The following CKAP5 variants were observed in gnomAD, a reference collection of about 807,000 sequenced individuals.
CKAP5 encodes cytoskeleton-associated protein 5.
In CKAP5, 27 loss-of-function variants were observed where a neutral mutation model predicts 232.8. The observed-to-expected ratio is 0.12, with a 90% CI of 0.09 to 0.16. CKAP5 has a LOEUF of 0.16. Ranked by LOEUF, CKAP5 falls within the 10% of genes least tolerant of loss-of-function variation. CKAP5 has a pLI of 1.00. For missense variants in CKAP5, 1,838 were observed against 2,424.7 expected (o/e 0.76, Z 5.08); for synonymous variants, 785 against 841.1 (o/e 0.93, Z 1.16).
intron 24 of CKAP5, among the ~76,000 whole-genome samples, chr11:46,771,966 G>A (rs1592446887): frequency 6.6e-6 from 1 of 150,608 alleles, no homozygotes; most frequent in East Asian, 1.9e-4. Context: ...CAATTCTGAT[G>A]ATTGTATAGT....
chr11:46,761,501 G>T, intron 32 of CKAP5, among the ~76,000 whole-genome samples: 1 of 152,076 alleles, frequency 6.6e-6, no homozygotes. Context: ...TAAATACATG[G>T]TGACACTATG....
intron 17 of CKAP5, 50 bp from the exon 18 acceptor site, chr11:46,783,418 G>T (rs2065359522): frequency 8.6e-7 from 1 of 1,156,490 alleles, no homozygotes; most frequent in Non-Finnish European, 1.3e-6. Flanking sequence ...ATTTCTTATA[G>T]AAATACAGCA....
At chr11:46,809,226 T>C (rs1237502070) in intron 7 of CKAP5, among the ~76,000 whole-genome samples, 174 bp downstream of exon 7, 1 of 152,058 alleles carries the variant, frequency 6.6e-6, no homozygotes, top group African/African-American at 2.4e-5. Flanking sequence ...TGCTATAATA[T>C]ATATATGTAC....
chr11:46,744,089 G>C lies in CKAP5; in HGVS notation c.6033C>G (p.Ser2011=), dbSNP rs745456242. The change falls in exon 44 of 44, where the codon TCC becomes TCG. Residue 2011 remains serine, a synonymous_variant. Coordinates refer to ENST00000529230, the MANE Select transcript of CKAP5 (RefSeq NM_001008938.4). ...QTHSSGTVTS[S]SSTANIDDLK... is the part of the protein sequence containing the mutation. ...AGTCGTCTATGTTAGCTGTGGAGGA[G>C]GAGGAGGTCACAGTTCCTGAAGAGT... 2 of 1,613,976 alleles carry C rather than the reference G, an allele frequency of 1.2e-6. No individual in the cohort carries two copies. Among genetic ancestry groups the C allele is most frequent in the Non-Finnish European group, 1.7e-6 (2 of 1,180,024 alleles).
intron 2 of CKAP5, among the ~76,000 whole-genome samples, chr11:46,819,695 G>A (rs1190259598): frequency 6.6e-6 from 1 of 152,104 alleles, no homozygotes; most frequent in East Asian, 1.9e-4. Flanking sequence ...AATTGAAAAT[G>A]TGATTTGGGG....
chr11:46,796,948 C>A lies in CKAP5; in HGVS notation c.1339-8G>T. ...AGCAGAATCATTGATGTGCTATAGT[C>A]CAGAAGTAAGCAAAATGATATTAAT... is the stretch of plus-strand genomic sequence containing the variant. On this transcript the variant is annotated splice_region_variant and splice_polypyrimidine_tract_variant and intron_variant, in intron 11 of 43. Transcript: ENST00000529230. The A allele has an allele frequency of 6.2e-7, 1 of 1,613,254 alleles. No individual in the cohort carries two copies. Among genetic ancestry groups the A allele is most frequent in the Non-Finnish European group, 8.5e-7 (1 of 1,179,636 alleles).
At chr11:46,777,154 C>T (rs1485629060) in intron 23 of CKAP5, among the ~76,000 whole-genome samples, 2 of 152,068 alleles carry the variant, frequency 1.3e-5, no homozygotes, top group African/African-American at 4.8e-5. Context: ...ATAAAATGTA[C>T]CTTACATACA....
chr11:46,751,986 A>AT (rs2065067724), intron 38 of CKAP5, among the ~76,000 whole-genome samples: 1 of 151,820 alleles, frequency 6.6e-6, no homozygotes, highest in African/African-American at 2.4e-5. Context: ...AGGGCTGTAG[A>AT]TATCTTTTTC....
chr11:46,816,105 C>T (rs893351572), intron 4 of CKAP5, 93 bp downstream of exon 4: 2 of 999,092 alleles, frequency 2.0e-6, no homozygotes, highest in South Asian at 2.9e-5. Flanking sequence ...CACAATTCTT[C>T]CATGGAAAAA....
chr11:46,813,135 T>C (rs983121863), intron 4 of CKAP5, among the ~76,000 whole-genome samples: 4 of 152,168 alleles, frequency 2.6e-5, no homozygotes, highest in African/African-American at 9.7e-5. Flanking sequence ...CTATGTGATA[T>C]AGTTTAAGTA....
chr11:46,752,744 T>A (rs1411470303), intron 37 of CKAP5, 34 bp from the exon 38 acceptor site: 1 of 1,533,992 alleles, frequency 6.5e-7, no homozygotes, highest in Admixed American at 1.7e-5. Flanking sequence ...AGCATTAAGT[T>A]TCAAACCTGC....
intron 42 of CKAP5, 50 bp downstream of exon 42, chr11:46,750,224 G>T (rs1449039703): frequency 1.9e-6 from 3 of 1,567,402 alleles, no homozygotes; most frequent in Non-Finnish European, 2.6e-6. Flanking sequence ...AGGTTCCTGT[G>T]CTAGGAGCTA....
intron 8 of CKAP5, among the ~76,000 whole-genome samples, chr11:46,803,631 T>C (rs954580856): frequency 6.6e-6 from 1 of 152,212 alleles, no homozygotes; most frequent in Non-Finnish European, 1.5e-5. Flanking sequence ...ATGGTAATGC[T>C]GTGTGATTCA....
At chr11:46,755,561 A>G (rs1159510037) in intron 35 of CKAP5, among the ~76,000 whole-genome samples, 1 of 151,942 alleles carries the variant, frequency 6.6e-6, no homozygotes, top group Non-Finnish European at 1.5e-5. Flanking sequence ...GCAAATATTT[A>G]CTGAGCAAGA....
intron 42 of CKAP5, among the ~76,000 whole-genome samples, chr11:46,747,599 C>T (rs2065031682): frequency 7.4e-6 from 1 of 135,520 alleles, no homozygotes; most frequent in Non-Finnish European, 1.6e-5. Flanking sequence ...AAGACTTCAT[C>T]TCAAAAAAAA....
intron 23 of CKAP5, 21 bp downstream of exon 23, chr11:46,777,418 G>A: frequency 1.4e-6 from 2 of 1,466,602 alleles, no homozygotes; most frequent in Non-Finnish European, 1.9e-6. Flanking sequence ...ATGGAGGCAT[G>A]GTGAAAAGAG....
intron 19 of CKAP5, 50 bp from the exon 20 acceptor site, chr11:46,780,369 T>C (rs1239735387): frequency 3.1e-6 from 5 of 1,613,618 alleles, no homozygotes; most frequent in South Asian, 2.2e-5. Flanking sequence ...ATGGCAATAA[T>C]AACTTTTTAA....
intron 5 of CKAP5, among the ~76,000 whole-genome samples, chr11:46,810,297 A>G (rs1263532819): frequency 2.6e-5 from 4 of 151,934 alleles, no homozygotes; most frequent in African/African-American, 4.8e-5. Flanking sequence ...ATGTGGCTCT[A>G]CCAGGGCAAA....
intron 1 of CKAP5, among the ~76,000 whole-genome samples, chr11:46,825,565 C>T (rs901058907): frequency 6.6e-6 from 1 of 152,078 alleles, no homozygotes. Context: ...AAGCTCTTGA[C>T]CTACAAAAGC....
Sources: gnomAD v4.1 joint callset for allele counts (sites outside exome capture counted in the v4.1 genomes callset) on GRCh38, gnomAD v4.1.1 for gene constraint, MANE v1.5 for transcripts, NCBI Gene and HGNC (gene_info 2026-07-23, HGNC 2026-07-21) for gene names.